The following COL11A1 variants were observed in gnomAD, a reference collection of about 807,000 sequenced individuals.
The protein encoded by COL11A1 is collagen type XI alpha 1 chain.
A neutral mutation model predicts 265.2 loss-of-function variants in COL11A1; 74 were observed. That is an observed-to-expected ratio of 0.28 (90% CI 0.23 to 0.34). The LOEUF (loss-of-function observed/expected upper bound fraction) is 0.34. Ranked by LOEUF, COL11A1 falls within the 10% of genes least tolerant of loss-of-function variation. The pLI is 1.00. For missense variants in COL11A1, 2,165 were observed against 2,263.6 expected, an observed-to-expected ratio of 0.96 and a Z score of 0.88; for synonymous variants, 816 against 727.6, an observed-to-expected ratio of 1.12 and a Z score of -1.96.
chr1:102,978,666 T>C, intron 35 of COL11A1, 42 bp downstream of exon 35: 1 of 1,594,282 alleles, frequency 6.3e-7, no homozygotes, highest in South Asian at 1.1e-5. Flanking sequence ...CTTGCAGAAA[T>C]ACTAATTTTC....
chr1:102,909,594 A>G (rs1369981577), intron 54 of COL11A1, among the ~76,000 whole-genome samples: 1 of 152,090 alleles, frequency 6.6e-6, no homozygotes, highest in Non-Finnish European at 1.5e-5. Flanking sequence ...TATAAGAGAC[A>G]AGAATTAAGA....
intron 1 of COL11A1, among the ~76,000 whole-genome samples, chr1:103,085,278 C>T (rs1672758355): frequency 6.6e-6 from 1 of 152,204 alleles, no homozygotes. Flanking sequence ...CTGCTTATCC[C>T]AGTTCAGGGC....
chr1:102,989,574 A>G lies in COL11A1; in HGVS notation c.2341-3T>C, dbSNP rs749863147. Reference sequence around the variant, plus strand: ...AATCCTGGAAAACCATCTTCACCCTAAAACATTATAAAAGGAATTAAATAG... The same window carrying G: ...AATCCTGGAAAACCATCTTCACCCTGAAACATTATAAAAGGAATTAAATAG... On this transcript the variant is annotated splice_region_variant and splice_polypyrimidine_tract_variant and intron_variant, in intron 28 of 66. Transcript: ENST00000370096. 33 of 1,604,814 alleles carry G rather than the reference A, an allele frequency of 2.1e-5. No homozygotes were observed. Among genetic ancestry groups the G allele is most frequent in the Non-Finnish European group, 2.6e-5 (31 of 1,172,444 alleles).
intron 41 of COL11A1, among the ~76,000 whole-genome samples, chr1:102,947,222 A>G (rs1570823375): frequency 6.6e-6 from 1 of 151,282 alleles, no homozygotes; most frequent in South Asian, 2.1e-4. Context: ...TTTAATATTT[A>G]TTTAATGTTA....
intron 1 of COL11A1, among the ~76,000 whole-genome samples, chr1:103,102,253 T>C (rs1674338142): frequency 6.6e-6 from 1 of 151,860 alleles, no homozygotes; most frequent in Non-Finnish European, 1.5e-5. Context: ...TACCTTTAGG[T>C]TTTGAATTAA....
At chr1:103,031,572 A>G (rs996961928) in intron 4 of COL11A1, among the ~76,000 whole-genome samples, 1 of 152,136 alleles carries the variant, frequency 6.6e-6, no homozygotes, top group Admixed American at 6.6e-5. Context: ...GCAAAAGGCT[A>G]ATTTTAAAAG....
At chr1:103,054,502 G>A (rs1571167267) in intron 4 of COL11A1, among the ~76,000 whole-genome samples, 1 of 152,120 alleles carries the variant, frequency 6.6e-6, no homozygotes, top group African/African-American at 2.4e-5. Flanking sequence ...AAAGCCAAAT[G>A]TGGCTCCTAT....
intron 36 of COL11A1, among the ~76,000 whole-genome samples, chr1:102,972,858 A>C (rs1662095823): frequency 6.6e-6 from 1 of 152,078 alleles, no homozygotes; most frequent in African/African-American, 2.4e-5. Flanking sequence ...TATAATTCTT[A>C]ATCATTTCAA....
At chr1:102,932,465 T>A (rs1032098878) in intron 46 of COL11A1, among the ~76,000 whole-genome samples, 1 of 152,232 alleles carries the variant, frequency 6.6e-6, no homozygotes, top group Non-Finnish European at 1.5e-5. Context: ...AGATCCGCTG[T>A]TAGTCTGATG....
In COL11A1 at chr1:102,889,400, T is replaced by TGTGTGTGTGC. The variant is rs1553194063; in HGVS notation, c.4464+54_4464+55insGCACACACAC. The TGTGTGTGTGC allele has an allele frequency of 4.4e-5, 46 of 1,035,936 alleles. No homozygotes were observed. In the African/African-American group the frequency reaches 6.0e-4, roughly 14 times the overall value. 64.2% of individuals were successfully genotyped at this position (1,035,936 alleles called of 1,614,324 possible). ...TTAAAGGACTGTGTGTGTGTGTGTG[T>TGTGTGTGTGC]GTGTGTGTGTATTATTGGAAATGAG... On this transcript the variant is annotated intron_variant, in intron 59 of 66. Transcript: ENST00000370096.
chr1:102,962,606 T>A, intron 39 of COL11A1, 47 bp downstream of exon 39: 2 of 1,517,676 alleles, frequency 1.3e-6, no homozygotes, highest in Non-Finnish European at 1.8e-6. Context: ...TAGTTAAACA[T>A]AAATTAAAGT....
At chr1:102,935,776 T>C (rs1658074430) in intron 44 of COL11A1, among the ~76,000 whole-genome samples, 1 of 152,190 alleles carries the variant, frequency 6.6e-6, no homozygotes, top group African/African-American at 2.4e-5. Context: ...AACTGTATTG[T>C]TCTGTATTGT....
intron 54 of COL11A1, among the ~76,000 whole-genome samples, chr1:102,905,729 T>C (rs1258135782): frequency 6.6e-6 from 1 of 152,120 alleles, no homozygotes; most frequent in African/African-American, 2.4e-5. Context: ...ACCATATATG[T>C]CACATGAATT....
At chr1:102,986,809 C>T (rs111335586) in intron 30 of COL11A1, among the ~76,000 whole-genome samples, 2,537 of 152,066 alleles carry the variant, frequency 0.017, 82 homozygotes, top group African/African-American at 0.058. Context: ...CTTTTTGACG[C>T]AACACATAAT....
At chr1:103,026,067 G>A (rs1571078840) in intron 6 of COL11A1, 149 bp downstream of exon 6, 7 of 1,233,620 alleles carry the variant, frequency 5.7e-6, no homozygotes, top group East Asian at 2.3e-5. Flanking sequence ...TCTTCAAAAC[G>A]GCTACTGTCA....
chr1:103,083,047 G>T, intron 1 of COL11A1, 75 bp from the exon 2 acceptor site: 1 of 1,384,498 alleles, frequency 7.2e-7, no homozygotes, highest in Non-Finnish European at 1.0e-6. Context: ...TTTAACACAG[G>T]ATAGTATGTC....
chr1:102,888,461 T>A, intron 62 of COL11A1, 116 bp downstream of exon 62: 3 of 933,252 alleles, frequency 3.2e-6, no homozygotes, highest in Non-Finnish European at 5.2e-6. Flanking sequence ...ATGTTTCCTA[T>A]AAAATCAGCA....
chr1:103,073,012 T>A (rs1469374917), intron 4 of COL11A1, among the ~76,000 whole-genome samples: 1 of 151,844 alleles, frequency 6.6e-6, no homozygotes, highest in Non-Finnish European at 1.5e-5. Context: ...AGTAAATAAA[T>A]GTTTTATTTA....
Position 103,031,179 on chromosome 1 carries a change from A to G in COL11A1, c.717T>C (p.Tyr239=), listed in dbSNP as rs766201603. 7 of 1,612,580 alleles carry G rather than the reference A, an allele frequency of 4.3e-6. No individual in the cohort carries two copies. The South Asian group carries it at 4.4e-5, about 10-fold the overall frequency. ...PKAAYDYCEH[Y]SPDCDSSAPK... ...GTGCTGAAGAGTCACAGTCTGGACTATAATGCTCACAGTAGTCATATGCTG... is the reference window on the plus strand; with the variant it reads ...GTGCTGAAGAGTCACAGTCTGGACTGTAATGCTCACAGTAGTCATATGCTG... The change falls in exon 5 of 67, where the codon TAT becomes TAC. Residue 239 remains tyrosine (Y), a synonymous_variant. Transcript: ENST00000370096.
Sources: gnomAD v4.1 joint callset for allele counts (sites outside exome capture counted in the v4.1 genomes callset) on GRCh38, gnomAD v4.1.1 for gene constraint, MANE v1.5 for transcripts, NCBI Gene and HGNC (gene_info 2026-07-23, HGNC 2026-07-21) for gene names.